ENOX1: variants seen among roughly 807,000 people sequenced by gnomAD.
ENOX1 encodes ecto-NOX disulfide-thiol exchanger 1.
A neutral mutation model predicts 82.5 loss-of-function variants in ENOX1; 42 were observed. The ratio of observed to expected loss-of-function variants is 0.51; its 90% CI spans 0.40 to 0.66. The LOEUF (loss-of-function observed/expected upper bound fraction) is 0.66. ENOX1 is among the 30% of genes least tolerant of loss of function. The probability of loss-of-function intolerance (pLI) is 0.00; values close to 1 mark genes in which losing one functional copy is unlikely to be tolerated. For synonymous variants in ENOX1, 271 were observed against 282.2 expected, an observed-to-expected ratio of 0.96 and a Z score of 0.40; for missense variants, 608 against 811.6, an observed-to-expected ratio of 0.75 and a Z score of 3.05.
At chr13:43,299,035 C>G (rs551260615) in intron 11 of ENOX1, among the ~76,000 whole-genome samples, 112 of 152,330 alleles carry the variant, frequency 7.4e-4, no homozygotes, top group Non-Finnish European at 1.4e-3. Flanking sequence ...CCTTCCTGCT[C>G]TACTGCTGGG....
intron 3 of ENOX1, among the ~76,000 whole-genome samples, chr13:43,472,237 A>G (rs1379128081): frequency 6.6e-6 from 1 of 152,204 alleles, no homozygotes; most frequent in Non-Finnish European, 1.5e-5. Context: ...TACTATTTTT[A>G]GTAAGCATAG....
chr13:43,669,714 A>T (rs2085163516), intron 1 of ENOX1, among the ~76,000 whole-genome samples: 1 of 152,094 alleles, frequency 6.6e-6, no homozygotes, highest in Admixed American at 6.6e-5. Flanking sequence ...CCAAGCATAG[A>T]GCTTAGAAAT....
intron 8 of ENOX1, among the ~76,000 whole-genome samples, chr13:43,347,597 G>A (rs2049473716): frequency 6.6e-6 from 1 of 152,218 alleles, no homozygotes; most frequent in Non-Finnish European, 1.5e-5. Flanking sequence ...ATTGGGAGCG[G>A]TCATTTTCAA....
intron 5 of ENOX1, among the ~76,000 whole-genome samples, chr13:43,387,054 CAAGT>C (rs1452874695): frequency 6.6e-6 from 1 of 152,146 alleles, no homozygotes; most frequent in Non-Finnish European, 1.5e-5. Context: ...TTTCCCCCAG[CAAGT>C]ATTAATAAGT....
chr13:43,742,437 G>A (rs1373567805), intron 1 of ENOX1, among the ~76,000 whole-genome samples: 5 of 151,570 alleles, frequency 3.3e-5, no homozygotes, highest in Non-Finnish European at 7.4e-5. Flanking sequence ...GAGAGAGACA[G>A]TGTGTGTGTG....
intron 14 of ENOX1, among the ~76,000 whole-genome samples, chr13:43,259,694 T>A (rs1287101613): frequency 2.0e-5 from 3 of 152,208 alleles, no homozygotes; most frequent in African/African-American, 7.2e-5. Flanking sequence ...CAGGCTAGTC[T>A]TAAACTCCTG....
At chr13:43,669,968 T>A (rs2085176957) in intron 1 of ENOX1, among the ~76,000 whole-genome samples, 2 of 152,094 alleles carry the variant, frequency 1.3e-5, no homozygotes, top group South Asian at 4.2e-4. Context: ...TCTCCCTAAG[T>A]GTATTTCCTC....
chr13:43,749,084 T>C (rs1036937102), intron 1 of ENOX1, among the ~76,000 whole-genome samples: 3 of 152,192 alleles, frequency 2.0e-5, no homozygotes, highest in African/African-American at 7.2e-5. Flanking sequence ...GCCTAGAACA[T>C]GATACTTTGT....
At chr13:43,313,872 A>G (rs1475366816) in intron 11 of ENOX1, among the ~76,000 whole-genome samples, 1 of 152,190 alleles carries the variant, frequency 6.6e-6, no homozygotes. Context: ...ATGTTTCTAA[A>G]TTAATTCTGA....
At chr13:43,274,411 T>C (rs2044879625) in intron 12 of ENOX1, among the ~76,000 whole-genome samples, 1 of 152,254 alleles carries the variant, frequency 6.6e-6, no homozygotes, top group South Asian at 2.1e-4. Flanking sequence ...ACAATGGTGA[T>C]TCAAAACTGC....
chr13:43,597,317 C>T (rs17460665), intron 2 of ENOX1, among the ~76,000 whole-genome samples: 48,107 of 152,024 alleles, frequency 0.32, 9,342 homozygotes, highest in Non-Finnish European at 0.44. Flanking sequence ...GCCTACCATC[C>T]ATGGCCAAGA....
chr13:43,369,379 A>G (rs533944820), intron 5 of ENOX1, among the ~76,000 whole-genome samples: 25 of 152,314 alleles, frequency 1.6e-4, no homozygotes, highest in Admixed American at 2.6e-4. Flanking sequence ...GGTGGTCTCT[A>G]TCTTTCTTAG....
intron 1 of ENOX1, among the ~76,000 whole-genome samples, chr13:43,722,639 G>C (rs2088656819): frequency 6.6e-6 from 1 of 151,850 alleles, no homozygotes; most frequent in Non-Finnish European, 1.5e-5. Flanking sequence ...ATGATGACAG[G>C]GACTTTACAT....
intron 1 of ENOX1, among the ~76,000 whole-genome samples, chr13:43,669,169 C>A (rs780998768): frequency 6.6e-6 from 1 of 152,188 alleles, no homozygotes; most frequent in Non-Finnish European, 1.5e-5. Context: ...CTGCAACCAG[C>A]AATACGGGGA....
At chr13:43,496,636 C>T (rs1164049399) in intron 2 of ENOX1, among the ~76,000 whole-genome samples, 1 of 152,114 alleles carries the variant, frequency 6.6e-6, no homozygotes, top group Non-Finnish European at 1.5e-5. Context: ...CCCACCTCGG[C>T]CTCCCACAGT....
intron 5 of ENOX1, among the ~76,000 whole-genome samples, chr13:43,392,942 G>A (rs555595233): frequency 1.3e-5 from 2 of 152,184 alleles, no homozygotes; most frequent in Admixed American, 6.5e-5. Flanking sequence ...GTTCAGCCAC[G>A]AGAAATTGGT....
At chr13:43,467,711 T>A (rs111958596) in intron 3 of ENOX1, among the ~76,000 whole-genome samples, 9 of 152,272 alleles carry the variant, frequency 5.9e-5, no homozygotes, top group Non-Finnish European at 1.0e-4. Context: ...GCTTTTGGTG[T>A]TTCACTCAAG....
At chr13:43,506,041 T>G (rs1210885854) in intron 2 of ENOX1, among the ~76,000 whole-genome samples, 2 of 152,180 alleles carry the variant, frequency 1.3e-5, no homozygotes, top group African/African-American at 4.8e-5. Flanking sequence ...TTGTGAGGTT[T>G]GTCAAAGATC....
At position 43,385,393 on chromosome 13, in the gene ENOX1, G is replaced by A. The variant is rs2052345164; in HGVS notation, c.209-23941C>T. On this transcript the variant is annotated intron_variant, in intron 5 of 16. Coordinates refer to ENST00000690772, the MANE Select transcript of ENOX1 (RefSeq NM_001347969.2). The stretch of plus-strand genomic sequence containing the variant: ...GTAAAGGGGCAGAATCCACAACAAA[G>A]AACCCTAGTAAATCAACAAGAAAAA... 2.6e-5 allele frequency among the ~76,000 whole-genome samples: 4 copies of A among 151,290 alleles called. No individual in the cohort carries two copies. In the South Asian group the frequency reaches 8.3e-4, roughly 32 times the overall value.
Sources: gnomAD v4.1 joint callset for allele counts (sites outside exome capture counted in the v4.1 genomes callset) on GRCh38, gnomAD v4.1.1 for gene constraint, MANE v1.5 for transcripts, NCBI Gene and HGNC (gene_info 2026-07-23, HGNC 2026-07-21) for gene names.